The following DSCAML1 variants were observed in gnomAD, a reference collection of about 807,000 sequenced individuals.
DSCAML1 encodes cell adhesion molecule DSCAML1.
Under a neutral mutation model 200.5 loss-of-function variants are expected in DSCAML1, and 38 were observed. That is an observed-to-expected ratio of 0.19 (90% CI 0.15 to 0.25). The LOEUF (loss-of-function observed/expected upper bound fraction) is 0.25. Ranked by LOEUF, DSCAML1 falls within the 10% of genes least tolerant of loss-of-function variation. The pLI, the probability that DSCAML1 is intolerant of heterozygous loss-of-function variation, is 1.00. For synonymous variants in DSCAML1, 1,215 were observed against 1,165.0 expected, an observed-to-expected ratio of 1.04 and a Z score of -0.87; for missense variants, 2,223 against 2,858.8, an observed-to-expected ratio of 0.78 and a Z score of 5.07.
At chr11:117,796,401 G>C (rs543095749) in intron 1 of DSCAML1, among the ~76,000 whole-genome samples, 114 of 152,366 alleles carry the variant, frequency 7.5e-4, no homozygotes, top group African/African-American at 2.7e-3. Flanking sequence ...GGGCAGAGGG[G>C]TGGGGTAGGG....
chr11:117,434,096 G>T (rs1298530353), intron 27 of DSCAML1, among the ~76,000 whole-genome samples: 1 of 152,202 alleles, frequency 6.6e-6, no homozygotes, highest in Non-Finnish European at 1.5e-5. Flanking sequence ...TGATACCTGA[G>T]AATGAGCTGT....
intron 3 of DSCAML1, among the ~76,000 whole-genome samples, chr11:117,651,530 C>A (rs986785772): frequency 2.6e-5 from 4 of 151,638 alleles, no homozygotes; most frequent in African/African-American, 9.7e-5. Context: ...ACGGTGAAAT[C>A]CTGTCTCTAC....
intron 3 of DSCAML1, among the ~76,000 whole-genome samples, chr11:117,690,676 C>T (rs2053478756): frequency 6.6e-6 from 1 of 152,222 alleles, no homozygotes; most frequent in Non-Finnish European, 1.5e-5. Flanking sequence ...ACCATGCTCA[C>T]CCCTCCCTGG....
At chr11:117,461,841 G>T (rs41440247) in intron 17 of DSCAML1, among the ~76,000 whole-genome samples, 1 of 152,084 alleles carries the variant, frequency 6.6e-6, no homozygotes, top group Non-Finnish European at 1.5e-5. Flanking sequence ...TTGCTCTCTG[G>T]GTAGCACATT....
chr11:117,615,903 A>G (rs894083893), intron 3 of DSCAML1, among the ~76,000 whole-genome samples: 2 of 152,172 alleles, frequency 1.3e-5, no homozygotes, highest in Non-Finnish European at 2.9e-5. Context: ...GAGCCCCAGC[A>G]GAACAGGGAC....
chr11:117,658,064 G>C (rs1035280129), intron 3 of DSCAML1, among the ~76,000 whole-genome samples: 3 of 152,130 alleles, frequency 2.0e-5, no homozygotes, highest in African/African-American at 7.2e-5. Context: ...TGAGAACAAT[G>C]GCTTTTCCAC....
chr11:117,731,050 G>T (rs2054208954), intron 3 of DSCAML1, among the ~76,000 whole-genome samples: 1 of 152,148 alleles, frequency 6.6e-6, no homozygotes. Flanking sequence ...GGGTGATGAG[G>T]ATGTTGTAAA....
intron 3 of DSCAML1, among the ~76,000 whole-genome samples, chr11:117,665,284 C>T (rs192092946): frequency 3.9e-5 from 6 of 152,212 alleles, no homozygotes; most frequent in African/African-American, 7.2e-5. Context: ...TCGGCTCGTA[C>T]GAGCTGGGCA....
chr11:117,512,338 C>T (rs2049640843), intron 8 of DSCAML1, among the ~76,000 whole-genome samples: 1 of 152,188 alleles, frequency 6.6e-6, no homozygotes, highest in Non-Finnish European at 1.5e-5. Context: ...CCTCCTCCAC[C>T]CCCCTCCTTG....
At chr11:117,637,997 A>C (rs1407394715) in intron 3 of DSCAML1, among the ~76,000 whole-genome samples, 2 of 152,172 alleles carry the variant, frequency 1.3e-5, no homozygotes, top group Non-Finnish European at 2.9e-5. Context: ...CCCACTCCTC[A>C]CATATGCAGA....
At chr11:117,591,672 G>A (rs1438472301) in intron 3 of DSCAML1, among the ~76,000 whole-genome samples, 3 of 152,110 alleles carry the variant, frequency 2.0e-5, no homozygotes, top group African/African-American at 2.4e-5. Flanking sequence ...TTATCCCGGC[G>A]CTCTGATGGG....
chr11:117,583,047 A>C (rs879013107), intron 3 of DSCAML1, among the ~76,000 whole-genome samples: 11 of 150,378 alleles, frequency 7.3e-5, no homozygotes, highest in Admixed American at 5.3e-4. Context: ...CATTTTAGAG[A>C]TGAGAACATT....
At chr11:117,454,395 T>A (rs2137127230) in intron 19 of DSCAML1, among the ~76,000 whole-genome samples, 1 of 152,380 alleles carries the variant, frequency 6.6e-6, no homozygotes, top group Non-Finnish European at 1.5e-5. Context: ...TCTGCCTATA[T>A]TCCAATTCAC....
intron 3 of DSCAML1, among the ~76,000 whole-genome samples, chr11:117,661,733 TCTCA>T (rs1217778959): frequency 6.6e-6 from 1 of 152,196 alleles, no homozygotes; most frequent in Admixed American, 6.5e-5. Context: ...GGCACCTCTC[TCTCA>T]TTTTCTTTCC....
chr11:117,794,445 TA>T (rs559840949), intron 1 of DSCAML1, among the ~76,000 whole-genome samples: 2 of 151,642 alleles, frequency 1.3e-5, no homozygotes, highest in South Asian at 2.1e-4. Flanking sequence ...TCAGGCATCA[TA>T]AAAAAAAGGT....
At chr11:117,752,611 G>A (rs562141278) in intron 3 of DSCAML1, among the ~76,000 whole-genome samples, 243 of 152,294 alleles carry the variant, frequency 1.6e-3, no homozygotes, top group Non-Finnish European at 2.5e-3. Context: ...TGGAACTTGG[G>A]CCTATTCAGC....
chr11:117,587,769 G>C (rs1388811823), intron 3 of DSCAML1, among the ~76,000 whole-genome samples: 2 of 152,162 alleles, frequency 1.3e-5, no homozygotes, highest in African/African-American at 4.8e-5. Context: ...GCTATTCTCT[G>C]TTCTCCATGC....
At chr11:117,751,649 G>A (rs981942699) in intron 3 of DSCAML1, among the ~76,000 whole-genome samples, 15 of 152,020 alleles carry the variant, frequency 9.9e-5, no homozygotes, top group Non-Finnish European at 1.8e-4. Context: ...TATGCCTGAA[G>A]CTGCCGAGCC....
At chr11:117,492,860 A>G (rs1172024448) in intron 11 of DSCAML1, among the ~76,000 whole-genome samples, 3 of 152,186 alleles carry the variant, frequency 2.0e-5, no homozygotes, top group Non-Finnish European at 4.4e-5. Flanking sequence ...TTAAAGAGCC[A>G]GGGCCATGGC....
Sources: gnomAD v4.1 joint callset for allele counts (sites outside exome capture counted in the v4.1 genomes callset) on GRCh38, gnomAD v4.1.1 for gene constraint, MANE v1.5 for transcripts, NCBI Gene and HGNC (gene_info 2026-07-23, HGNC 2026-07-21) for gene names.